PLEKHA6: variants seen among roughly 807,000 people sequenced by gnomAD.
PLEKHA6 encodes pleckstrin homology domain-containing family A member 6.
PLEKHA6 carries 60 observed loss-of-function variants against 116.7 expected under a neutral mutation model. That is an observed-to-expected ratio of 0.51 (90% CI 0.42 to 0.64). The LOEUF is 0.64. Among genes scored for constraint, PLEKHA6 ranks in the 30% least tolerant of loss-of-function variants. The probability of loss-of-function intolerance (pLI) is 0.00; values close to 1 mark genes in which losing one functional copy is unlikely to be tolerated. For missense variants in PLEKHA6, 1,338 were observed against 1,422.7 expected (o/e 0.94, Z 0.96); for synonymous variants, 489 against 556.1 (o/e 0.88, Z 1.70).
chr1:204,372,643 CAATTT>C (rs1469989655), intron 1 of PLEKHA6, among the ~76,000 whole-genome samples: 1 of 152,234 alleles, frequency 6.6e-6, no homozygotes, highest in Admixed American at 6.5e-5. Flanking sequence ...AAAAAATTTA[CAATTT>C]AATAGTTTTG....
chr1:204,234,191 A>T (rs1264257214), intron 17 of PLEKHA6, among the ~76,000 whole-genome samples: 1 of 152,216 alleles, frequency 6.6e-6, no homozygotes, highest in African/African-American at 2.4e-5. Flanking sequence ...CACACAGAAA[A>T]TGAGGTGATG....
chr1:204,244,737 A>T, intron 15 of PLEKHA6, 127 bp downstream of exon 15: 1 of 664,436 alleles, frequency 1.5e-6, no homozygotes, highest in Non-Finnish European at 2.4e-6. Flanking sequence ...CTCCTTAAAC[A>T]AAGAGCTCCA....
At chr1:204,355,993 AC>A (rs1673403603) in intron 1 of PLEKHA6, among the ~76,000 whole-genome samples, 8 of 72,520 alleles carry the variant, frequency 1.1e-4, no homozygotes, top group African/African-American at 3.3e-4. Context: ...ACACACACAC[AC>A]ACACACAAAA....
chr1:204,267,204 T>C (rs974030882), intron 5 of PLEKHA6, among the ~76,000 whole-genome samples: 1 of 152,218 alleles, frequency 6.6e-6, no homozygotes, highest in Non-Finnish European at 1.5e-5. Context: ...TCACCAGCCA[T>C]ATGACCACCT....
chr1:204,305,407 C>T (rs1203037949), intron 1 of PLEKHA6, among the ~76,000 whole-genome samples: 1 of 152,176 alleles, frequency 6.6e-6, no homozygotes, highest in Non-Finnish European at 1.5e-5. Context: ...CATCTTTTGG[C>T]TCCAGTTTCC....
chr1:204,243,343 G>A, intron 15 of PLEKHA6: 2 of 399,462 alleles, frequency 5.0e-6, no homozygotes, highest in Non-Finnish European at 8.8e-6. Flanking sequence ...GTTAGCAGGA[G>A]GCAGACAACA....
chr1:204,264,251 G>A (rs1486612348), intron 6 of PLEKHA6, among the ~76,000 whole-genome samples: 1 of 152,100 alleles, frequency 6.6e-6, no homozygotes, highest in Non-Finnish European at 1.5e-5. Context: ...CTGATGGGTC[G>A]TGACTTTTTA....
chr1:204,268,892 C>A (rs976139088), intron 3 of PLEKHA6, among the ~76,000 whole-genome samples: 1 of 152,184 alleles, frequency 6.6e-6, no homozygotes. Context: ...TCACTGTCCG[C>A]TTCTCAATCG....
At position 204,238,690 on chromosome 1, in the gene PLEKHA6, T is replaced by A. The variant is rs2102524994; in HGVS notation, c.2409+2685A>T. 6.6e-6 allele frequency among the ~76,000 whole-genome samples: 1 copy of A among 152,328 alleles called. No homozygotes were observed. Among genetic ancestry groups the A allele is most frequent in the East Asian group, 1.9e-4 (1 of 5,180 alleles). On this transcript the variant is annotated intron_variant, in intron 17 of 22. Coordinates refer to ENST00000272203, the MANE Select transcript of PLEKHA6 (RefSeq NM_014935.5). The surrounding 1 kb of genome is among the most constrained non-coding windows in gnomAD (Gnocchi z 4.2). Reference sequence around the variant, plus strand: ...CCTTCTCTCCCCTACCCTGCACTGATGGACTCATGGGGAGTTCCCTATGAT... The same window carrying A: ...CCTTCTCTCCCCTACCCTGCACTGAAGGACTCATGGGGAGTTCCCTATGAT...
At chr1:204,302,609 G>A (rs917325289) in intron 1 of PLEKHA6, among the ~76,000 whole-genome samples, 1 of 152,220 alleles carries the variant, frequency 6.6e-6, no homozygotes, top group African/African-American at 2.4e-5. Context: ...GGGTACAGTG[G>A]CTCACGCCTA....
chr1:204,343,197 C>G (rs1672907984), intron 1 of PLEKHA6, among the ~76,000 whole-genome samples: 1 of 152,206 alleles, frequency 6.6e-6, no homozygotes. Context: ...AGAAATATAT[C>G]ATCAAGTTGG....
intron 14 of PLEKHA6, 104 bp from the exon 15 acceptor site, chr1:204,245,107 A>AT: frequency 1.3e-6 from 1 of 789,996 alleles, no homozygotes; most frequent in Non-Finnish European, 1.9e-6. Flanking sequence ...AGATCCAGGG[A>AT]TGTGGAAGGG....
intron 1 of PLEKHA6, chr1:204,347,265 G>A (rs976222235): frequency 3.5e-5 from 35 of 987,972 alleles, no homozygotes; most frequent in Admixed American, 2.4e-4. Flanking sequence ...TCATTTTGGC[G>A]AATTACTGGA....
chr1:204,327,428 T>C (rs1209875611), intron 1 of PLEKHA6, among the ~76,000 whole-genome samples: 5 of 152,216 alleles, frequency 3.3e-5, no homozygotes, highest in African/African-American at 1.2e-4. Context: ...GATAAGGAAC[T>C]AGCACAGGGC....
chr1:204,228,592 C>T lies in PLEKHA6; in HGVS notation c.2885+136G>A. Reference sequence around the variant, plus strand: ...CCTTGCCTCTGCCGGTAGCTGGGCCCTGTCTGCTGCCTGGAGTCACCACCT... The same window carrying T: ...CCTTGCCTCTGCCGGTAGCTGGGCCTTGTCTGCTGCCTGGAGTCACCACCT... On this transcript the variant is annotated intron_variant, in intron 20 of 22. Transcript: ENST00000272203. The surrounding 1 kb of genome is among the most constrained non-coding windows in gnomAD (Gnocchi z 4.0). 3.8e-6 allele frequency: 3 copies of T among 781,622 alleles called. No individual in the cohort carries two copies. Among genetic ancestry groups the T allele is most frequent in the South Asian group, 3.4e-5 (2 of 59,586 alleles). The allele number at this position is 781,622 out of a possible 1,614,324, so 48.4% of individuals were successfully genotyped here.
chr1:204,249,326 T>C (rs937098770), intron 10 of PLEKHA6, 62 bp from the exon 11 acceptor site: 1 of 1,201,216 alleles, frequency 8.3e-7, no homozygotes, highest in African/African-American at 1.5e-5. Context: ...CATAGTTTGA[T>C]GGGGACCTGG....
intron 1 of PLEKHA6, among the ~76,000 whole-genome samples, chr1:204,314,701 C>A (rs1208673018): frequency 6.6e-6 from 1 of 152,240 alleles, no homozygotes; most frequent in African/African-American, 2.4e-5. Context: ...GCTTGTCTTT[C>A]TTCTAGGCCC....
chr1:204,348,609 T>C (rs1419071307), intron 1 of PLEKHA6, among the ~76,000 whole-genome samples: 2 of 152,126 alleles, frequency 1.3e-5, no homozygotes, highest in Non-Finnish European at 2.9e-5. Flanking sequence ...TTATCTTTAT[T>C]TTATCACAAT....
At chr1:204,320,930 A>G (rs533877136) in intron 1 of PLEKHA6, among the ~76,000 whole-genome samples, 8 of 152,352 alleles carry the variant, frequency 5.3e-5, no homozygotes, top group Non-Finnish European at 8.8e-5. Flanking sequence ...CATGCCAGGC[A>G]GCCCAGCACC....
Sources: gnomAD v4.1 joint callset for allele counts (sites outside exome capture counted in the v4.1 genomes callset) on GRCh38, gnomAD v4.1.1 for gene constraint, Gnocchi (gnomAD v3.1) non-coding constraint, MANE v1.5 for transcripts, NCBI Gene and HGNC (gene_info 2026-07-23, HGNC 2026-07-21) for gene names.